The following PAGE2B variants were observed in gnomAD, a reference collection of about 807,000 sequenced individuals.
PAGE2B encodes PAGE family member 2B, also known as putative G antigen family E member 3.
Under a neutral mutation model 7.6 loss-of-function variants are expected in PAGE2B, and 5 were observed. That is an observed-to-expected ratio of 0.66 (90% CI 0.34 to 1.38). PAGE2B has a LOEUF of 1.38. PAGE2B is among the 40% of genes most tolerant of loss of function. The pLI is 0.04. For synonymous variants in PAGE2B, 29 were observed against 26.7 expected (o/e 1.09, Z -0.27); for missense variants, 70 against 78.4 (o/e 0.89, Z 0.41).
intron 1 of PAGE2B, among the ~76,000 whole-genome samples, chrX:55,075,555 C>G (rs73490472): frequency 1.8e-5 from 2 of 110,603 alleles, no homozygotes; most frequent in Non-Finnish European, 3.8e-5. Flanking sequence ...AGAGGTGTCC[C>G]GTGAGGAGCA....
the PAGE2B span, among the ~76,000 whole-genome samples, chrX:55,031,665 C>T: frequency 8.9e-6 from 1 of 111,798 alleles, no homozygotes; most frequent in Non-Finnish European, 1.9e-5. Flanking sequence ...CAGAGCCCGC[C>T]TATGAACCTA....
the PAGE2B span, among the ~76,000 whole-genome samples, chrX:55,054,579 T>C: frequency 8.9e-6 from 1 of 112,593 alleles, no homozygotes; most frequent in Non-Finnish European, 1.9e-5. Context: ...GTTTGGGAAG[T>C]AAAGCTTTCA....
At chrX:55,071,187 C>T (rs773138473), upstream of PAGE2B, among the ~76,000 whole-genome samples, 11 of 110,804 alleles carry the variant, frequency 9.9e-5, no homozygotes, top group South Asian at 3.8e-4. Context: ...TAGCTGGTAC[C>T]GGTTGTTCCT....
chrX:55,058,217 G>C, the PAGE2B span, among the ~76,000 whole-genome samples: 318 of 110,508 alleles, frequency 2.9e-3, 1 homozygote, highest in African/African-American at 0.01. Context: ...TGCATTTAAA[G>C]TTTAATTAGG....
At chrX:55,046,703 C>T in the PAGE2B span, among the ~76,000 whole-genome samples, 10 of 111,378 alleles carry the variant, frequency 9.0e-5, no homozygotes, top group Admixed American at 1.9e-4. Context: ...TTCCTGGCAA[C>T]GTTGAGGAGC....
At chrX:55,050,072 A>C in the PAGE2B span, among the ~76,000 whole-genome samples, 7 of 112,589 alleles carry the variant, frequency 6.2e-5, no homozygotes, top group Non-Finnish European at 9.4e-5. Context: ...TGTACCCAGT[A>C]GTCATTCAGG....
At chrX:55,044,158 A>T in the PAGE2B span, among the ~76,000 whole-genome samples, 150 of 110,389 alleles carry the variant, frequency 1.4e-3, no homozygotes, top group Non-Finnish European at 2.5e-3. Context: ...TCATTATATG[A>T]AAAGGACACT....
chrX:55,064,708 C>G, the PAGE2B span, among the ~76,000 whole-genome samples: 1 of 110,362 alleles, frequency 9.1e-6, no homozygotes, highest in East Asian at 2.8e-4. Context: ...CCTCTTGGTA[C>G]TTCTTTTGCT....
At chrX:55,058,111 C>T in the PAGE2B span, among the ~76,000 whole-genome samples, 2 of 110,729 alleles carry the variant, frequency 1.8e-5, no homozygotes, top group Non-Finnish European at 3.8e-5. Flanking sequence ...TCATCCTCTG[C>T]TTGTATACTC....
the PAGE2B span, among the ~76,000 whole-genome samples, chrX:55,044,087 T>C: frequency 9.1e-6 from 1 of 109,507 alleles, no homozygotes; most frequent in East Asian, 2.8e-4. Context: ...TGGAAAACAG[T>C]GTGGAGATTC....
At chrX:55,041,493 T>A in the PAGE2B span, among the ~76,000 whole-genome samples, 2 of 112,512 alleles carry the variant, frequency 1.8e-5, no homozygotes, top group African/African-American at 6.5e-5. Context: ...TTTATTTCTT[T>A]GTTTCGTTGT....
the PAGE2B span, among the ~76,000 whole-genome samples, chrX:55,061,313 G>T: frequency 9.0e-6 from 1 of 111,087 alleles, no homozygotes; most frequent in Admixed American, 9.6e-5. Flanking sequence ...ATGCGTCGTA[G>T]GGGTTGGCGT....
chrX:55,050,996 C>A, the PAGE2B span, among the ~76,000 whole-genome samples: 1 of 111,531 alleles, frequency 9.0e-6, no homozygotes, highest in African/African-American at 3.3e-5. Context: ...TCTTGTAGGG[C>A]AGGCCTGGCG....
the PAGE2B span, among the ~76,000 whole-genome samples, chrX:55,049,259 A>G: frequency 9.0e-6 from 1 of 111,368 alleles, no homozygotes. Flanking sequence ...ATATTGGTCT[A>G]AAATTCTCTT....
At chrX:55,031,077 A>G in the PAGE2B span, 14 of 295,808 alleles carry the variant, frequency 4.7e-5, no homozygotes, top group Non-Finnish European at 9.5e-5. Flanking sequence ...CCCCAAAGGT[A>G]TCTCAGTCCC....
intron 2 of PAGE2B, 139 bp from the exon 3 acceptor site, chrX:55,076,430 A>G (rs1569548349): frequency 8.8e-6 from 5 of 566,664 alleles, no homozygotes; most frequent in Non-Finnish European, 8.3e-6. Context: ...GTATGTATGT[A>G]TATATACATA....
At chrX:55,030,422 C>A in the PAGE2B span, among the ~76,000 whole-genome samples, 4 of 111,653 alleles carry the variant, frequency 3.6e-5, no homozygotes, top group Non-Finnish European at 3.8e-5. Context: ...GCTCTTCCCC[C>A]ACCCCTAGGC....
chrX:55,048,291 C>G, the PAGE2B span, among the ~76,000 whole-genome samples: 1 of 111,723 alleles, frequency 9.0e-6, no homozygotes, highest in African/African-American at 3.3e-5. Flanking sequence ...GATGCGGGCT[C>G]TTTTTCAGTT....
the PAGE2B span, chrX:55,055,503 C>G: frequency 8.9e-6 from 1 of 112,654 alleles, no homozygotes; most frequent in Non-Finnish European, 1.9e-5. Context: ...TTTCTTGTGT[C>G]ATTGCAGGCA....
Sources: gnomAD v4.1 joint callset for allele counts (sites outside exome capture counted in the v4.1 genomes callset) on GRCh38, gnomAD v4.1.1 for gene constraint, MANE v1.5 for transcripts, NCBI Gene and HGNC (gene_info 2026-07-23, HGNC 2026-07-21) for gene names.